Variants in NREP observed in about 807,000 individuals in gnomAD.
NREP encodes neuronal regeneration-related protein.
A neutral mutation model predicts 8.6 loss-of-function variants in NREP; 5 were observed. The ratio of observed to expected loss-of-function variants is 0.58; its 90% CI spans 0.30 to 1.22. The LOEUF is 1.22. NREP is among the 50% of genes most tolerant of loss of function. NREP has a pLI of 0.07. For missense variants in NREP, 86 were observed against 82.5 expected, an observed-to-expected ratio of 1.04 and a Z score of -0.17; for synonymous variants, 27 against 28.0, an observed-to-expected ratio of 0.96 and a Z score of 0.11.
At chr5:111,928,419 T>G (rs1248318561) in intron 2 of NREP, among the ~76,000 whole-genome samples, 1 of 152,108 alleles carries the variant, frequency 6.6e-6, no homozygotes, top group Non-Finnish European at 1.5e-5. Context: ...AAAGCAGACT[T>G]AATTTATGTC....
intron 2 of NREP, among the ~76,000 whole-genome samples, chr5:111,849,644 T>C (rs542880541): frequency 2.6e-5 from 4 of 152,152 alleles, no homozygotes; most frequent in Admixed American, 1.3e-4. Context: ...TGAATTATTA[T>C]CTTATCCATC....
At chr5:111,753,125 G>A (rs1750468778) in intron 2 of NREP, among the ~76,000 whole-genome samples, 1 of 151,528 alleles carries the variant, frequency 6.6e-6, no homozygotes, top group Admixed American at 6.6e-5. Flanking sequence ...GTTGGAGAAT[G>A]ACTTATTGAA....
chr5:111,964,379 T>A (rs1480249841), intron 2 of NREP, among the ~76,000 whole-genome samples: 1 of 152,078 alleles, frequency 6.6e-6, no homozygotes, highest in East Asian at 1.9e-4. Flanking sequence ...TTGGGGGGGT[T>A]TTCTTTGAGA....
intron 2 of NREP, among the ~76,000 whole-genome samples, chr5:111,897,518 A>G (rs1204451968): frequency 1.3e-5 from 2 of 152,136 alleles, no homozygotes; most frequent in African/African-American, 4.8e-5. Context: ...TGTGACTGCC[A>G]GCTGGGTTAA....
intron 2 of NREP, among the ~76,000 whole-genome samples, chr5:111,883,030 G>A (rs1439403033): frequency 2.6e-5 from 4 of 152,176 alleles, no homozygotes; most frequent in Non-Finnish European, 5.9e-5. Flanking sequence ...ACACAGACTG[G>A]CAAATTGGAT....
chr5:111,771,434 C>G (rs1011212736), intron 2 of NREP, among the ~76,000 whole-genome samples: 1 of 115,854 alleles, frequency 8.6e-6, no homozygotes, highest in Admixed American at 8.2e-5. Context: ...TTTACACACA[C>G]ACACACACAC....
At chr5:111,769,623 T>A (rs796165325) in intron 2 of NREP, among the ~76,000 whole-genome samples, 11 of 152,286 alleles carry the variant, frequency 7.2e-5, no homozygotes, top group African/African-American at 2.2e-4. Flanking sequence ...CAGGTTTAAT[T>A]GGCAAACAGT....
intron 2 of NREP, among the ~76,000 whole-genome samples, chr5:111,871,466 C>A (rs1753789367): frequency 6.6e-6 from 1 of 151,986 alleles, no homozygotes; most frequent in African/African-American, 2.4e-5. Flanking sequence ...CATTATACTA[C>A]TGTAGATAGT....
intron 2 of NREP, among the ~76,000 whole-genome samples, chr5:111,791,447 T>C (rs577200348): frequency 5.9e-5 from 9 of 152,192 alleles, no homozygotes; most frequent in Non-Finnish European, 1.0e-4. Flanking sequence ...TGACAACATT[T>C]GTGAGAAACA....
At chr5:111,940,401 A>G (rs886864718) in intron 2 of NREP, among the ~76,000 whole-genome samples, 1 of 152,030 alleles carries the variant, frequency 6.6e-6, no homozygotes, top group Admixed American at 6.6e-5. Flanking sequence ...TCTCTCTGCT[A>G]CTCCAAACTA....
intron 2 of NREP, among the ~76,000 whole-genome samples, chr5:111,866,340 A>G (rs1753664011): frequency 6.6e-6 from 1 of 152,226 alleles, no homozygotes; most frequent in Non-Finnish European, 1.5e-5. Context: ...AGCAAAGGAT[A>G]TGAAAAGACA....
chr5:111,858,750 C>A (rs1753480862), intron 2 of NREP, among the ~76,000 whole-genome samples: 1 of 151,986 alleles, frequency 6.6e-6, no homozygotes, highest in African/African-American at 2.4e-5. Context: ...TATCTTACCC[C>A]AAATCAAAGA....
chr5:111,848,583 T>A (rs1056291213), intron 2 of NREP, among the ~76,000 whole-genome samples: 1 of 152,230 alleles, frequency 6.6e-6, no homozygotes, highest in African/African-American at 2.4e-5. Flanking sequence ...AATGCACAAA[T>A]AAGCTTTTAC....
At chr5:111,742,785 C>T (rs1229680045) in intron 2 of NREP, among the ~76,000 whole-genome samples, 1 of 152,034 alleles carries the variant, frequency 6.6e-6, no homozygotes, top group African/African-American at 2.4e-5. Flanking sequence ...ACATCGTGTT[C>T]CTCTCATTCC....
chr5:111,937,968 T>C (rs1295427695), intron 2 of NREP, among the ~76,000 whole-genome samples: 1 of 152,048 alleles, frequency 6.6e-6, no homozygotes, highest in Non-Finnish European at 1.5e-5. Context: ...GTGCTGACGT[T>C]TGCACCCATT....
intron 2 of NREP, among the ~76,000 whole-genome samples, chr5:111,877,450 T>C (rs1753936844): frequency 6.6e-6 from 1 of 152,186 alleles, no homozygotes; most frequent in South Asian, 2.1e-4. Flanking sequence ...ACTCTAAGGA[T>C]CTTCAAAAAA....
rs148549434 is a variant in NREP at position 111,834,895 on chromosome 5, G to A, written c.136-99388C>T. Among the ~76,000 whole-genome samples, 279 of 152,252 alleles carry A rather than the reference G, an allele frequency of 1.8e-3. 3 individuals carry two copies. Among genetic ancestry groups the A allele is most frequent in the African/African-American group, 6.2e-3 (259 of 41,544 alleles). The stretch of plus-strand genomic sequence containing the variant: ...TTTCCTCCCTATGTTTGCTTTAGCA[G>A]GAGGTTCAGACCAGGAATAAAGATT... On this transcript the variant is annotated intron_variant, in intron 2 of 3. Transcript: ENST00000395634.
At chr5:111,902,140 T>A (rs770569117) in intron 2 of NREP, among the ~76,000 whole-genome samples, 1 of 151,720 alleles carries the variant, frequency 6.6e-6, no homozygotes, top group East Asian at 1.9e-4. Context: ...CAGAAATTAA[T>A]CTATATATTT....
intron 2 of NREP, among the ~76,000 whole-genome samples, chr5:111,788,919 T>A (rs1751675923): frequency 6.6e-6 from 1 of 152,228 alleles, no homozygotes; most frequent in Non-Finnish European, 1.5e-5. Context: ...CATCCCCTGA[T>A]TAAGAGCAAA....
Sources: gnomAD v4.1 joint callset for allele counts (sites outside exome capture counted in the v4.1 genomes callset) on GRCh38, gnomAD v4.1.1 for gene constraint, MANE v1.5 for transcripts, NCBI Gene and HGNC (gene_info 2026-07-23, HGNC 2026-07-21) for gene names.